BCAR3: variants seen among roughly 807,000 people sequenced by gnomAD.
The protein encoded by BCAR3 is breast cancer anti-estrogen resistance protein 3.
Under a neutral mutation model 80.1 loss-of-function variants are expected in BCAR3, and 37 were observed. That is an observed-to-expected ratio of 0.46 (90% confidence interval 0.36 to 0.61). The LOEUF (loss-of-function observed/expected upper bound fraction) is 0.61, where lower values mean the gene tolerates loss of function less well. Ranked by LOEUF, BCAR3 falls within the 20% of genes least tolerant of loss-of-function variation. The pLI, the probability that BCAR3 is intolerant of heterozygous loss-of-function variation, is 0.00. For missense variants in BCAR3, 978 were observed against 1,068.2 expected, an observed-to-expected ratio of 0.92 and a Z score of 1.18; for synonymous variants, 389 against 418.9, an observed-to-expected ratio of 0.93 and a Z score of 0.87.
chr1:93,790,090 GAACT>G (rs1295821201), intron 2 of BCAR3, among the ~76,000 whole-genome samples: 6 of 152,060 alleles, frequency 3.9e-5, no homozygotes, highest in African/African-American at 1.4e-4. Flanking sequence ...TCAAATTGAT[GAACT>G]AACATAATTT....
chr1:93,825,774 C>G (rs6541399), intron 2 of BCAR3, among the ~76,000 whole-genome samples: 91,656 of 152,002 alleles, frequency 0.6, 28,903 homozygotes, highest in East Asian at 0.78. Context: ...GGCTTTCTCT[C>G]CTCTGTCTTT....
chr1:93,638,209 A>G (rs896989616), intron 3 of BCAR3, among the ~76,000 whole-genome samples: 2 of 152,208 alleles, frequency 1.3e-5, no homozygotes, highest in Non-Finnish European at 2.9e-5. Context: ...AGATTGCGCC[A>G]CTGTACTCCA....
At chr1:93,635,052 C>G (rs1046681655) in intron 3 of BCAR3, among the ~76,000 whole-genome samples, 3 of 151,960 alleles carry the variant, frequency 2.0e-5, no homozygotes, top group Non-Finnish European at 4.4e-5. Flanking sequence ...CAGGGAGACC[C>G]CATCTCTACA....
At chr1:93,603,997 C>T (rs1294872804) in intron 3 of BCAR3, among the ~76,000 whole-genome samples, 2 of 152,212 alleles carry the variant, frequency 1.3e-5, no homozygotes, top group Admixed American at 1.3e-4. Flanking sequence ...AACGTTTAAG[C>T]ACCTTGATGA....
At chr1:93,784,076 A>C (rs1652857534) in intron 2 of BCAR3, among the ~76,000 whole-genome samples, 1 of 152,116 alleles carries the variant, frequency 6.6e-6, no homozygotes, top group African/African-American at 2.4e-5. Context: ...ATTAACAGCC[A>C]GCCAGCAGTG....
intron 2 of BCAR3, among the ~76,000 whole-genome samples, chr1:93,834,394 A>G (rs1207439403): frequency 3.3e-5 from 5 of 152,018 alleles, no homozygotes; most frequent in African/African-American, 1.2e-4. Flanking sequence ...AGATAAACCT[A>G]GCTGACCCCA....
chr1:93,599,973 A>G (rs981671302), intron 3 of BCAR3, among the ~76,000 whole-genome samples: 3 of 151,950 alleles, frequency 2.0e-5, no homozygotes, highest in Non-Finnish European at 4.4e-5. Context: ...CCTACCTCCC[A>G]TTTCTAGTCC....
At chr1:93,614,196 G>GGCTTTC in intron 3 of BCAR3, 1 of 1,229,950 alleles carries the variant, frequency 8.1e-7, no homozygotes, top group Non-Finnish European at 1.0e-6. Flanking sequence ...AAATTCTCAT[G>GGCTTTC]TGACCAGACT....
chr1:93,692,178 A>G (rs1335932883), intron 3 of BCAR3, among the ~76,000 whole-genome samples: 1 of 152,234 alleles, frequency 6.6e-6, no homozygotes, highest in Non-Finnish European at 1.5e-5. Flanking sequence ...GTGCAAGAGC[A>G]GCTGGCACAG....
In BCAR3 at chr1:93,586,194, C is replaced by T. The variant is rs573894992; in HGVS notation, c.930-2073G>A. Among the ~76,000 whole-genome samples the T allele has an allele frequency of 2.4e-4, 37 of 152,254 alleles. No individual in the cohort carries two copies. The highest frequency in any genetic ancestry group is 7.7e-4 in the African/African-American group (32 of 41,562). ...ACCATCCCCACCTCCCTCCCATCCC[C>T]TACTCCCCACCCACTACTACCCTTC... On this transcript the variant is annotated intron_variant, in intron 5 of 11. Coordinates refer to ENST00000260502, the MANE Select transcript of BCAR3 (RefSeq NM_003567.4). This position sits in a 1 kb window ranked among gnomAD's most constrained non-coding sequence, Gnocchi z 4.2.
At chr1:93,832,407 T>C (rs1557703348) in intron 2 of BCAR3, among the ~76,000 whole-genome samples, 2 of 152,334 alleles carry the variant, frequency 1.3e-5, no homozygotes, top group East Asian at 3.9e-4. Flanking sequence ...ATGTTCCATC[T>C]GTGCGGGACC....
intron 2 of BCAR3, among the ~76,000 whole-genome samples, chr1:93,843,587 TTG>T (rs1571166501): frequency 6.6e-6 from 1 of 151,862 alleles, no homozygotes; most frequent in Non-Finnish European, 1.5e-5. Context: ...ACCACAGTTT[TTG>T]TTTGTTTGTT....
At chr1:93,610,916 G>A (rs1023993380) in intron 3 of BCAR3, among the ~76,000 whole-genome samples, 3 of 150,140 alleles carry the variant, frequency 2.0e-5, no homozygotes, top group Non-Finnish European at 2.9e-5. Context: ...GGGCAACTAC[G>A]TCTCAAAAAA....
chr1:93,789,503 C>T (rs976259889), intron 2 of BCAR3, among the ~76,000 whole-genome samples: 6 of 152,138 alleles, frequency 3.9e-5, no homozygotes, highest in East Asian at 3.9e-4. Flanking sequence ...TGCACAGATA[C>T]GTATTAGTAT....
At chr1:93,584,803 C>T (rs958112165) in intron 5 of BCAR3, among the ~76,000 whole-genome samples, 1 of 152,260 alleles carries the variant, frequency 6.6e-6, no homozygotes, top group Non-Finnish European at 1.5e-5. Flanking sequence ...GCTGTTATTC[C>T]TTCTGTCCCT....
chr1:93,711,417 T>C (rs1468021471), intron 2 of BCAR3, among the ~76,000 whole-genome samples: 1 of 152,168 alleles, frequency 6.6e-6, no homozygotes, highest in Non-Finnish European at 1.5e-5. Flanking sequence ...CCAGCTAGCC[T>C]GGGGGAGTCC....
intron 2 of BCAR3, among the ~76,000 whole-genome samples, chr1:93,809,775 TAAAAA>T (rs59236584): frequency 3.6e-5 from 2 of 55,536 alleles, no homozygotes; most frequent in Non-Finnish European, 7.1e-5. Flanking sequence ...CTCAAAAAGA[TAAAAA>T]AAAAAAAAAA....
At chr1:93,842,097 CACTT>C (rs1477243871) in intron 2 of BCAR3, among the ~76,000 whole-genome samples, 3 of 151,980 alleles carry the variant, frequency 2.0e-5, no homozygotes, top group Non-Finnish European at 4.4e-5. Flanking sequence ...ACCTGCACCT[CACTT>C]AAAGACCTTT....
rs184716158 is a variant in BCAR3 at position 93,700,930 on chromosome 1, C to A, written c.-12+5162G>T. On this transcript the variant is annotated intron_variant, in intron 3 of 13. Transcript: ENST00000370244. ...CGTCCCCTCAGGACCTAGCGCAGGG[C>A]AGGCATGTGGGCACCCTCAGCGGAC... 6.6e-5 allele frequency among the ~76,000 whole-genome samples: 10 copies of A among 152,352 alleles called. No homozygotes were observed. In the East Asian group the frequency reaches 1.7e-3, roughly 26 times the overall value.
Sources: gnomAD v4.1 joint callset for allele counts (sites outside exome capture counted in the v4.1 genomes callset) on GRCh38, gnomAD v4.1.1 for gene constraint, Gnocchi (gnomAD v3.1) non-coding constraint, MANE v1.5 for transcripts, NCBI Gene and HGNC (gene_info 2026-07-23, HGNC 2026-07-21) for gene names.